Variants in TET2 observed in about 807,000 individuals in gnomAD.
The protein encoded by TET2 is methylcytosine dioxygenase TET2.
In TET2, 299 loss-of-function variants were observed where a neutral mutation model predicts 142.9. The observed-to-expected ratio is 2.09, with a 90% confidence interval of 1.90 to 2.30. The LOEUF is 2.30. Among genes scored for constraint, TET2 ranks in the 30% most tolerant of loss-of-function variants. TET2 has a pLI of 0.00. For synonymous variants in TET2, 819 were observed against 849.0 expected, an observed-to-expected ratio of 0.96 and a Z score of 0.61; for missense variants, 2,418 against 2,378.0, an observed-to-expected ratio of 1.02 and a Z score of -0.35.
rs2110319766 is a variant in TET2, at chr4:105,278,035, C to G, written c.*1516C>G. ...GTTAAAAAGAAACAAAAACAGGCAG[C>G]TGGTTTGCTGTGGTGGTTTTAAATC... On this transcript the variant is annotated 3_prime_UTR_variant, in exon 11 of 11. Coordinates refer to ENST00000380013, the MANE Select transcript of TET2 (RefSeq NM_001127208.3). The G allele has an allele frequency of 4.7e-6, 1 of 212,914 alleles. No homozygotes were observed. The highest frequency in any genetic ancestry group is 5.9e-5 in the Admixed American group (1 of 17,084). 13.2% of individuals were successfully genotyped at this position (212,914 alleles called of 1,614,324 possible).
At chr4:105,254,006 C>T (rs1009142342) in intron 6 of TET2, among the ~76,000 whole-genome samples, 2 of 152,100 alleles carry the variant, frequency 1.3e-5, no homozygotes, top group Non-Finnish European at 2.9e-5. Flanking sequence ...GACTGGCATA[C>T]CTGGAGCAAA....
chr4:105,165,040 T>C (rs1724081206), intron 1 of TET2, among the ~76,000 whole-genome samples: 1 of 152,160 alleles, frequency 6.6e-6, no homozygotes. Flanking sequence ...TTGTATCATA[T>C]TTTCAGGAAG....
At chr4:105,208,177 T>C (rs967702223) in intron 2 of TET2, among the ~76,000 whole-genome samples, 14 of 152,220 alleles carry the variant, frequency 9.2e-5, no homozygotes, top group Admixed American at 2.6e-4. Context: ...TTGCCAACTT[T>C]TCATTCTCTT....
chr4:105,212,058 T>C (rs1242839299), intron 2 of TET2, among the ~76,000 whole-genome samples: 3 of 152,198 alleles, frequency 2.0e-5, no homozygotes, highest in Non-Finnish European at 1.5e-5. Context: ...TAGAAACATA[T>C]TCTCACCTTG....
chr4:105,222,164 G>T (rs551943999), intron 2 of TET2, among the ~76,000 whole-genome samples: 2 of 151,906 alleles, frequency 1.3e-5, no homozygotes, highest in East Asian at 1.9e-4. Flanking sequence ...GAATAGTGCC[G>T]CAATAAACAT....
intron 1 of TET2, among the ~76,000 whole-genome samples, chr4:105,176,747 A>G (rs1439639074): frequency 1.3e-5 from 2 of 152,170 alleles, no homozygotes; most frequent in South Asian, 2.1e-4. Flanking sequence ...ACGATATTTT[A>G]TGGATATCAA....
chr4:105,275,054 T>TGC lies in TET2; in HGVS notation c.4546_4547dup (p.Leu1517AspfsTer55). 6.6e-7 allele frequency: 1 copy of TGC among 1,526,162 alleles called. No individual in the cohort carries two copies. The highest frequency in any genetic ancestry group is 8.8e-7 in the Non-Finnish European group (1 of 1,136,288). The allele number at this position is 1,526,162 out of a possible 1,614,324, so 94.5% of individuals were successfully genotyped here. ...TCTCTTACCCTGTCCACAGAACTTT[T>TGC]GCGACTTTCAGGACCAGTCATGCAG... is the stretch of plus-strand genomic sequence containing the variant. On this transcript the variant is annotated frameshift_variant, in exon 11 of 11. Transcript: ENST00000380013. LOFTEE classifies it low-confidence loss of function (END_TRUNC).
chr4:105,237,010 GCATCATTGAGAC>G lies in TET2; in HGVS notation c.3072_3083del (p.Ile1024_Thr1027del). 1 of 1,614,160 alleles carries G rather than the reference GCATCATTGAGAC, an allele frequency of 6.2e-7. No individual in the cohort carries two copies. On this transcript the variant is annotated inframe_deletion, in exon 3 of 11. Coordinates refer to ENST00000380013, the MANE Select transcript of TET2 (RefSeq NM_001127208.3). ...AGCTGTGATAATGTGCAGCAAAAGA[GCATCATTGAGAC>G]CATGGAGCAGCATCTGAAGCAGTTT...
At chr4:105,266,792 A>G (rs1422586847) in intron 8 of TET2, among the ~76,000 whole-genome samples, 2 of 152,214 alleles carry the variant, frequency 1.3e-5, no homozygotes, top group South Asian at 2.1e-4. Flanking sequence ...TAATTGGAGT[A>G]CCAGAAGGAG....
chr4:105,272,257 G>C (rs1233658318), intron 9 of TET2, among the ~76,000 whole-genome samples: 1 of 152,156 alleles, frequency 6.6e-6, no homozygotes, highest in Non-Finnish European at 1.5e-5. Flanking sequence ...CATTTTGGGG[G>C]AGTGTTGCTT....
intron 8 of TET2, among the ~76,000 whole-genome samples, chr4:105,263,670 T>A (rs1460313676): frequency 6.6e-6 from 1 of 152,114 alleles, no homozygotes; most frequent in Non-Finnish European, 1.5e-5. Flanking sequence ...CACTGTAGAT[T>A]TGAGAGTCAG....
At chr4:105,256,300 C>G (rs536872567) in intron 6 of TET2, among the ~76,000 whole-genome samples, 1 of 152,168 alleles carries the variant, frequency 6.6e-6, no homozygotes, top group African/African-American at 2.4e-5. Flanking sequence ...GTAGGACATG[C>G]CTGAAAACAA....
intron 2 of TET2, among the ~76,000 whole-genome samples, chr4:105,225,416 C>A (rs1728128800): frequency 6.6e-6 from 1 of 152,116 alleles, no homozygotes; most frequent in Non-Finnish European, 1.5e-5. Flanking sequence ...ACTACTGATG[C>A]ACATTTCTCC....
chr4:105,194,654 A>AG (rs1418498670), intron 2 of TET2, among the ~76,000 whole-genome samples: 3 of 152,134 alleles, frequency 2.0e-5, no homozygotes, highest in Non-Finnish European at 4.4e-5. Flanking sequence ...TTATTCTTTG[A>AG]GTCACAGGAT....
chr4:105,241,098 T>A (rs1729273358), intron 3 of TET2: 3 of 1,104,564 alleles, frequency 2.7e-6, no homozygotes, highest in Non-Finnish European at 3.4e-6. Context: ...TTAAAATAAT[T>A]TTTTATCCCA....
intron 2 of TET2, among the ~76,000 whole-genome samples, chr4:105,219,344 G>T (rs7655890): frequency 0.7 from 105,698 of 151,982 alleles, 37,560 homozygotes; most frequent in African/African-American, 0.85. Context: ...TAGATCAATA[G>T]GAAAACGAAT....
At chr4:105,209,521 C>T (rs1044327827) in intron 2 of TET2, among the ~76,000 whole-genome samples, 36 of 152,012 alleles carry the variant, frequency 2.4e-4, no homozygotes, top group African/African-American at 8.7e-4. Context: ...ATGTAATGTG[C>T]TTCCAACAAC....
chr4:105,270,947 T>G (rs1475684930), intron 9 of TET2, among the ~76,000 whole-genome samples: 2 of 152,148 alleles, frequency 1.3e-5, no homozygotes, highest in East Asian at 3.8e-4. Context: ...TGAAGTAATT[T>G]GAAGAAGCTG....
chr4:105,278,361 G>A lies in TET2; in HGVS notation c.*1842G>A. 4.7e-6 allele frequency: 1 copy of A among 213,090 alleles called. No homozygotes were observed. The highest frequency in any genetic ancestry group is 9.4e-6 in the Non-Finnish European group (1 of 106,080). 13.2% of individuals were successfully genotyped at this position (213,090 alleles called of 1,614,324 possible). A position where few individuals can be genotyped will look rare whatever the true frequency, so the allele number is the denominator to read the frequency against. ...ATAGGATATTGAACTGAGAGTGAAA[G>A]CATTGTGTACCATCATTTTTTTCCA... On this transcript the variant is annotated 3_prime_UTR_variant, in exon 11 of 11. Transcript: ENST00000380013.
Sources: allele counts gnomAD v4.1 joint callset (sites outside exome capture counted in the v4.1 genomes callset), GRCh38; gene constraint gnomAD v4.1.1; transcripts MANE v1.5; gene names NCBI Gene and HGNC (gene_info 2026-07-23, HGNC 2026-07-21).